PPARGC1A: variants seen among roughly 807,000 people sequenced by gnomAD.
PPARGC1A encodes PPARG coactivator 1 alpha.
Under a neutral mutation model 88.7 loss-of-function variants are expected in PPARGC1A, and 25 were observed. The ratio of observed to expected loss-of-function variants is 0.28; its 90% CI spans 0.21 to 0.39. PPARGC1A has a LOEUF of 0.39. Ranked by LOEUF, PPARGC1A falls within the 10% of genes least tolerant of loss-of-function variation. The probability of loss-of-function intolerance (pLI) is 1.00; values close to 1 mark genes in which losing one functional copy is unlikely to be tolerated. For missense variants in PPARGC1A, 880 were observed against 968.7 expected, an observed-to-expected ratio of 0.91 and a Z score of 1.22; for synonymous variants, 363 against 355.6, an observed-to-expected ratio of 1.02 and a Z score of -0.24.
chr4:24,279,000 T>A, the PPARGC1A span, among the ~76,000 whole-genome samples: 256 of 151,610 alleles, frequency 1.7e-3, no homozygotes, highest in Non-Finnish European at 3.2e-3. Context: ...AACTGTTTGT[T>A]CCTGGACCAA....
the PPARGC1A span, among the ~76,000 whole-genome samples, chr4:24,228,701 C>A: frequency 6.6e-6 from 1 of 152,154 alleles, no homozygotes; most frequent in Non-Finnish European, 1.5e-5. Flanking sequence ...GGTAGGACCC[C>A]TCAGAAGCTC....
chr4:23,866,623 A>G (rs1244515587), intron 2 of PPARGC1A, among the ~76,000 whole-genome samples: 1 of 152,218 alleles, frequency 6.6e-6, no homozygotes, highest in Admixed American at 6.5e-5. Context: ...GGTTAAAGGG[A>G]TGCAATGCCG....
chr4:24,085,101 C>T, the PPARGC1A span, among the ~76,000 whole-genome samples: 1 of 152,114 alleles, frequency 6.6e-6, no homozygotes, highest in South Asian at 2.1e-4. Context: ...AATGTCCAAT[C>T]TAAAGCACTT....
At chr4:24,140,720 G>A in the PPARGC1A span, among the ~76,000 whole-genome samples, 2 of 152,134 alleles carry the variant, frequency 1.3e-5, no homozygotes, top group African/African-American at 4.8e-5. Context: ...GACTCAGGAG[G>A]ATTTGTTCAA....
intron 2 of PPARGC1A, among the ~76,000 whole-genome samples, chr4:23,868,138 G>A (rs977697961): frequency 1.3e-5 from 2 of 152,110 alleles, no homozygotes; most frequent in Admixed American, 1.3e-4. Context: ...CCTCTTCTCG[G>A]GGAGAGAAGA....
intron 2 of PPARGC1A, among the ~76,000 whole-genome samples, chr4:23,857,341 A>G (rs1345061639): frequency 7.1e-6 from 1 of 141,062 alleles, no homozygotes; most frequent in Non-Finnish European, 1.5e-5. Flanking sequence ...GAAGTTTCAT[A>G]AAATCTATTT....
chr4:23,854,935 G>T (rs1279100738), intron 2 of PPARGC1A, among the ~76,000 whole-genome samples: 2 of 152,094 alleles, frequency 1.3e-5, no homozygotes, highest in Non-Finnish European at 2.9e-5. Context: ...ATATGATTTG[G>T]CTGTGTCTCC....
chr4:24,219,052 G>T, the PPARGC1A span, among the ~76,000 whole-genome samples: 1 of 152,126 alleles, frequency 6.6e-6, no homozygotes, highest in South Asian at 2.1e-4. Flanking sequence ...TATTTGTGTG[G>T]GACAAGAAAG....
chr4:24,184,243 A>G, the PPARGC1A span, among the ~76,000 whole-genome samples: 2 of 152,304 alleles, frequency 1.3e-5, no homozygotes, highest in East Asian at 3.9e-4. Context: ...ATTATCCCCA[A>G]TTTGGAAATT....
At chr4:24,355,645 T>C in the PPARGC1A span, among the ~76,000 whole-genome samples, 3 of 152,168 alleles carry the variant, frequency 2.0e-5, no homozygotes, top group Non-Finnish European at 2.9e-5. Context: ...TTTCAACAAA[T>C]GCCTTGATTG....
At chr4:23,931,871 A>G in the PPARGC1A span, among the ~76,000 whole-genome samples, 3 of 152,218 alleles carry the variant, frequency 2.0e-5, no homozygotes, top group Non-Finnish European at 2.9e-5. Context: ...GTCTGACTCC[A>G]GCACTTACCA....
the PPARGC1A span, among the ~76,000 whole-genome samples, chr4:23,959,065 A>G: frequency 6.6e-6 from 1 of 152,038 alleles, no homozygotes; most frequent in South Asian, 2.1e-4. Flanking sequence ...CACATGGAAA[A>G]ACTGAATTCT....
At chr4:23,971,588 A>G in the PPARGC1A span, among the ~76,000 whole-genome samples, 1 of 152,190 alleles carries the variant, frequency 6.6e-6, no homozygotes, top group Non-Finnish European at 1.5e-5. Flanking sequence ...ACATGGGAGA[A>G]AGATGTAGGC....
the PPARGC1A span, among the ~76,000 whole-genome samples, chr4:23,984,018 C>T: frequency 1.3e-5 from 2 of 151,996 alleles, no homozygotes; most frequent in East Asian, 1.9e-4. Context: ...TGTATTTAGT[C>T]ATTTATAAAT....
At chr4:23,854,172 A>G (rs1428021561) in intron 2 of PPARGC1A, among the ~76,000 whole-genome samples, 5 of 152,222 alleles carry the variant, frequency 3.3e-5, no homozygotes, top group Admixed American at 6.5e-5. Flanking sequence ...CCATGTGTAC[A>G]TGACAAGTGT....
At chr4:24,133,022 T>C in the PPARGC1A span, among the ~76,000 whole-genome samples, 7 of 152,216 alleles carry the variant, frequency 4.6e-5, no homozygotes, top group South Asian at 1.5e-3. Context: ...TTGAGACTTT[T>C]TGGTCTAAAA....
At chr4:24,189,292 G>T in the PPARGC1A span, among the ~76,000 whole-genome samples, 5 of 152,054 alleles carry the variant, frequency 3.3e-5, no homozygotes, top group Admixed American at 6.5e-5. Context: ...CGTTAGAATG[G>T]TAATTTCTAT....
At chr4:24,028,957 C>T in the PPARGC1A span, among the ~76,000 whole-genome samples, 5 of 151,986 alleles carry the variant, frequency 3.3e-5, no homozygotes, top group Non-Finnish European at 4.4e-5. Flanking sequence ...AGTCTATGAC[C>T]GATTAGAATT....
chr4:24,459,820 G>A, the PPARGC1A span, among the ~76,000 whole-genome samples: 14 of 152,092 alleles, frequency 9.2e-5, no homozygotes, highest in Admixed American at 3.3e-4. Flanking sequence ...AAAAAAAACT[G>A]TAGATATTTA....
Sources: allele counts gnomAD v4.1 joint callset (sites outside exome capture counted in the v4.1 genomes callset), GRCh38; gene constraint gnomAD v4.1.1; transcripts MANE v1.5; gene names NCBI Gene and HGNC (gene_info 2026-07-23, HGNC 2026-07-21).